The following TNNI3K variants were observed in gnomAD, a reference collection of about 807,000 sequenced individuals.
TNNI3K encodes the protein TNNI3 interacting kinase.
In TNNI3K, 140 loss-of-function variants were observed where a neutral mutation model predicts 114.5. The observed-to-expected ratio is 1.22, with a 90% CI of 1.07 to 1.41. TNNI3K has a LOEUF of 1.41. TNNI3K is among the 40% of genes most tolerant of loss of function. TNNI3K has a pLI of 0.00. For synonymous variants in TNNI3K, 347 were observed against 347.5 expected, an observed-to-expected ratio of 1.00 and a Z score of 0.02; for missense variants, 1,125 against 1,007.6, an observed-to-expected ratio of 1.12 and a Z score of -1.58.
intron 17 of TNNI3K, among the ~76,000 whole-genome samples, chr1:74,423,676 C>T (rs1182874729): frequency 6.6e-6 from 1 of 152,064 alleles, no homozygotes; most frequent in Admixed American, 6.6e-5. Context: ...GATTACATTT[C>T]TTCATATGGT....
At chr1:74,487,805 A>T (rs534487740) in intron 21 of TNNI3K, among the ~76,000 whole-genome samples, 15 of 152,304 alleles carry the variant, frequency 9.8e-5, no homozygotes, top group Admixed American at 3.9e-4. Context: ...TTTAAGTGGT[A>T]AAATGGCTTC....
chr1:74,525,544 C>CA (rs1352984184), intron 23 of TNNI3K, among the ~76,000 whole-genome samples: 4 of 152,154 alleles, frequency 2.6e-5, no homozygotes, highest in Non-Finnish European at 4.4e-5. Flanking sequence ...TCAGTTCAAC[C>CA]AAATTTATTT....
At chr1:74,339,593 CA>C (rs1660651269) in intron 7 of TNNI3K, among the ~76,000 whole-genome samples, 1 of 151,984 alleles carries the variant, frequency 6.6e-6, no homozygotes, top group African/African-American at 2.4e-5. Context: ...CAGAATGTCA[CA>C]AATGAAAATA....
At chr1:74,274,711 G>T (rs749513142) in intron 5 of TNNI3K, among the ~76,000 whole-genome samples, 2 of 151,984 alleles carry the variant, frequency 1.3e-5, no homozygotes, top group Non-Finnish European at 2.9e-5. Context: ...ACTTATGATG[G>T]GGTTATATCT....
intron 9 of TNNI3K, among the ~76,000 whole-genome samples, chr1:74,347,749 C>A (rs1273572039): frequency 7.2e-5 from 11 of 152,126 alleles, no homozygotes; most frequent in Non-Finnish European, 1.6e-4. Flanking sequence ...CTCTGATGGC[C>A]AGTGATGGTG....
chr1:74,420,655 T>C (rs2100633886), intron 17 of TNNI3K, among the ~76,000 whole-genome samples: 1 of 152,266 alleles, frequency 6.6e-6, no homozygotes, highest in East Asian at 1.9e-4. Context: ...CAAACTGCAA[T>C]GCTTCCACTC....
At chr1:74,250,509 T>C (rs959252914) in intron 3 of TNNI3K, among the ~76,000 whole-genome samples, 163 bp from the exon 4 acceptor site, 3 of 152,210 alleles carry the variant, frequency 2.0e-5, no homozygotes, top group Non-Finnish European at 2.9e-5. Flanking sequence ...AAATATCCCC[T>C]AGTAAGTAAG....
chr1:74,513,140 G>T (rs1646287399), intron 23 of TNNI3K, among the ~76,000 whole-genome samples: 1 of 152,228 alleles, frequency 6.6e-6, no homozygotes, highest in African/African-American at 2.4e-5. Context: ...TCACTGGCCT[G>T]AGATTACAGC....
intron 1 of TNNI3K, among the ~76,000 whole-genome samples, 160 bp from the exon 2 acceptor site, chr1:74,235,942 A>G (rs1653828052): frequency 6.6e-6 from 1 of 151,662 alleles, no homozygotes; most frequent in African/African-American, 2.4e-5. Flanking sequence ...ATTGCATTTT[A>G]AATATAAACA....
chr1:74,319,474 A>G (rs575191290), intron 5 of TNNI3K, among the ~76,000 whole-genome samples: 1 of 152,292 alleles, frequency 6.6e-6, no homozygotes, highest in East Asian at 1.9e-4. Context: ...ATCCAAGACA[A>G]TATCAAATAT....
chr1:74,441,120 C>T (rs1169798953), intron 20 of TNNI3K, among the ~76,000 whole-genome samples: 1 of 151,950 alleles, frequency 6.6e-6, no homozygotes, highest in Non-Finnish European at 1.5e-5. Flanking sequence ...TAAAATTTAC[C>T]TTTCTAGGTT....
chr1:74,508,585 T>G (rs1195876583), intron 23 of TNNI3K, among the ~76,000 whole-genome samples: 1 of 152,146 alleles, frequency 6.6e-6, no homozygotes, highest in East Asian at 1.9e-4. Context: ...GGAGGCAGAC[T>G]GCATTCAGAG....
intron 17 of TNNI3K, among the ~76,000 whole-genome samples, chr1:74,413,879 T>C (rs1166168539): frequency 6.6e-6 from 1 of 152,176 alleles, no homozygotes; most frequent in Non-Finnish European, 1.5e-5. Context: ...AATGGTGTGA[T>C]TGCAGATGAT....
chr1:74,357,458 A>C (rs910091968), intron 11 of TNNI3K, among the ~76,000 whole-genome samples: 4 of 152,106 alleles, frequency 2.6e-5, no homozygotes, highest in Non-Finnish European at 4.4e-5. Flanking sequence ...ACCCAAGCTA[A>C]ATTTTAGCTG....
At chr1:74,540,020 G>A (rs746681626) in intron 23 of TNNI3K, among the ~76,000 whole-genome samples, 1 of 152,106 alleles carries the variant, frequency 6.6e-6, no homozygotes, top group Non-Finnish European at 1.5e-5. Context: ...GCTAGAAATT[G>A]TAACCTATGC....
rs1662335141 is a variant in TNNI3K at position 74,367,455 on chromosome 1, A to G, written c.1264+113A>G. ...GGGGTTAGGGAGGAGGGCATAGCCT[A>G]TGTCAGATTAGATTTATTTTAAGTA... is the stretch of plus-strand genomic sequence containing the variant. On this transcript the variant is annotated intron_variant, in intron 12 of 24. Coordinates refer to ENST00000326637, the MANE Select transcript of TNNI3K (RefSeq NM_015978.3). 7.4e-6 allele frequency: 8 copies of G among 1,083,764 alleles called. No homozygotes were observed. In the South Asian group the frequency reaches 9.8e-5, roughly 13 times the overall value. The allele number at this position is 1,083,764 out of a possible 1,614,324, so 67.1% of individuals were successfully genotyped here.
intron 21 of TNNI3K, among the ~76,000 whole-genome samples, chr1:74,478,417 A>G (rs1397632163): frequency 6.6e-6 from 1 of 152,234 alleles, no homozygotes; most frequent in Admixed American, 6.5e-5. Context: ...CAATACTAAT[A>G]AAGAACTGTT....
At chr1:74,351,654 C>G (rs1011928775) in intron 9 of TNNI3K, among the ~76,000 whole-genome samples, 1 of 152,156 alleles carries the variant, frequency 6.6e-6, no homozygotes, top group Non-Finnish European at 1.5e-5. Flanking sequence ...TTCTTGGAGG[C>G]TTTGTTCATT....
intron 21 of TNNI3K, among the ~76,000 whole-genome samples, chr1:74,465,690 G>C (rs1570655677): frequency 6.6e-6 from 1 of 152,348 alleles, no homozygotes; most frequent in South Asian, 2.1e-4. Context: ...GCCCTGGCCA[G>C]GTATCCACTA....
Sources: allele counts gnomAD v4.1 joint callset (sites outside exome capture counted in the v4.1 genomes callset), GRCh38; gene constraint gnomAD v4.1.1; transcripts MANE v1.5; gene names NCBI Gene and HGNC (gene_info 2026-07-23, HGNC 2026-07-21).